The following FGD5 variants were observed in gnomAD, a reference collection of about 807,000 sequenced individuals.
The protein encoded by FGD5 is FYVE, RhoGEF and PH domain-containing protein 5.
Under a neutral mutation model 133.4 loss-of-function variants are expected in FGD5, and 28 were observed. The ratio of observed to expected loss-of-function variants is 0.21; its 90% confidence interval spans 0.16 to 0.29. The LOEUF (loss-of-function observed/expected upper bound fraction) is 0.29. Among genes scored for constraint, FGD5 ranks in the 10% least tolerant of loss-of-function variants. FGD5 has a pLI of 1.00. For missense variants in FGD5, 1,858 were observed against 1,895.2 expected (o/e 0.98, Z 0.36); for synonymous variants, 810 against 776.5 (o/e 1.04, Z -0.72).
rs918420726 is a variant in FGD5, at chr3:14,922,979, G to A, written c.3808-67G>A. 5 of 1,605,806 alleles carry A rather than the reference G, an allele frequency of 3.1e-6. No individual in the cohort carries two copies. The Admixed American group carries it at 6.7e-5, about 21-fold the overall frequency. On this transcript the variant is annotated intron_variant, in intron 15 of 19. Transcript: ENST00000285046. The surrounding 1 kb of genome is among the most constrained non-coding windows in gnomAD (Gnocchi z 4.1). ...TGGGTGGATTAGCAGAGGGAGCGGAGGGGAGGGGTGCAGGTCTCCTTTGCA... is the reference window on the plus strand; with the variant it reads ...TGGGTGGATTAGCAGAGGGAGCGGAAGGGAGGGGTGCAGGTCTCCTTTGCA...
intron 8 of FGD5, 147 bp from the exon 9 acceptor site, chr3:14,900,856 G>T (rs1027350177): frequency 1.6e-5 from 13 of 813,798 alleles, no homozygotes; most frequent in African/African-American, 1.0e-4. Flanking sequence ...GGAAACTGAG[G>T]CATGCATGAC....
At chr3:14,858,811 G>A (rs1045782967) in intron 1 of FGD5, among the ~76,000 whole-genome samples, 2 of 152,222 alleles carry the variant, frequency 1.3e-5, no homozygotes, top group African/African-American at 4.8e-5. Flanking sequence ...CCAGGACACA[G>A]TTCTGCCAGG....
chr3:14,918,047 T>TG (rs1216570130), intron 12 of FGD5, among the ~76,000 whole-genome samples: 2 of 152,270 alleles, frequency 1.3e-5, no homozygotes, highest in African/African-American at 4.8e-5. Flanking sequence ...CCTCTGCCGA[T>TG]GGACACTGGT....
chr3:14,859,204 A>G (rs1390125447), intron 1 of FGD5, among the ~76,000 whole-genome samples: 1 of 152,220 alleles, frequency 6.6e-6, no homozygotes, highest in African/African-American at 2.4e-5. Context: ...TGGCATAATT[A>G]AATCAAGGTC....
chr3:14,823,867 A>C (rs1268368768), intron 1 of FGD5, among the ~76,000 whole-genome samples: 2 of 152,244 alleles, frequency 1.3e-5, no homozygotes, highest in Non-Finnish European at 1.5e-5. Context: ...AAAACCAAAC[A>C]AAAAGGACTT....
intron 9 of FGD5, 100 bp downstream of exon 9, chr3:14,901,161 G>A: frequency 7.7e-7 from 1 of 1,302,266 alleles, no homozygotes; most frequent in Non-Finnish European, 1.1e-6. Context: ...AGGGGCTGCA[G>A]GCAACCGTCT....
At chr3:14,866,352 G>A (rs1237147101) in intron 2 of FGD5, among the ~76,000 whole-genome samples, 1 of 152,184 alleles carries the variant, frequency 6.6e-6, no homozygotes, top group African/African-American at 2.4e-5. Context: ...AGTATGGAAA[G>A]AGAGGGCCTG....
At chr3:14,821,897 C>G (rs1050608278) in intron 1 of FGD5, among the ~76,000 whole-genome samples, 2 of 152,078 alleles carry the variant, frequency 1.3e-5, no homozygotes, top group African/African-American at 4.8e-5. Flanking sequence ...GTCAAGAGAT[C>G]GAGACCATCC....
chr3:14,865,867 C>G (rs2037484743), intron 2 of FGD5, among the ~76,000 whole-genome samples: 1 of 152,176 alleles, frequency 6.6e-6, no homozygotes, highest in Non-Finnish European at 1.5e-5. Flanking sequence ...AGTATTGTCT[C>G]CTTGTGGAGA....
chr3:14,822,729 G>A (rs1314552237), intron 1 of FGD5, among the ~76,000 whole-genome samples: 4 of 152,150 alleles, frequency 2.6e-5, no homozygotes, highest in East Asian at 1.9e-4. Context: ...CTGAATTAAC[G>A]AGAAACAAAA....
chr3:14,900,140 T>C (rs917711829), intron 7 of FGD5, among the ~76,000 whole-genome samples: 1 of 152,208 alleles, frequency 6.6e-6, no homozygotes, highest in African/African-American at 2.4e-5. Flanking sequence ...GTTGTGTCTG[T>C]CTCCAAGGCA....
In FGD5 at chr3:14,934,440, C is replaced by T. The variant is rs2038948432; in HGVS notation, c.*1273C>T. 1 of 152,210 alleles carries T rather than the reference C, an allele frequency of 6.6e-6. No homozygotes were observed. Among genetic ancestry groups the T allele is most frequent in the African/African-American group, 2.4e-5 (1 of 41,456 alleles). The allele number at this position is 152,210 out of a possible 1,614,324, so 9.4% of individuals were successfully genotyped here. ...TGTCCCCTACAAAAAAGGGAATTTG[C>T]TGACAAACTTTTTGTAAAAAGCACC... On this transcript the variant is annotated 3_prime_UTR_variant, in exon 20 of 20. Transcript: ENST00000285046.
At chr3:14,880,193 A>C (rs1402841822) in intron 2 of FGD5, among the ~76,000 whole-genome samples, 1 of 152,080 alleles carries the variant, frequency 6.6e-6, no homozygotes, top group Non-Finnish European at 1.5e-5. Context: ...TCTCTACAAA[A>C]AATTTTAAAA....
At position 14,819,640 on chromosome 3, in the gene FGD5, T is replaced by C; in HGVS notation, c.569T>C (p.Phe190Ser). The change falls in exon 1 of 20, where the codon TTC becomes TCC. Residue 190 changes from phenylalanine to serine, a missense_variant. Phe to Ser is a radical substitution (Grantham distance 155, BLOSUM62 -2). This residue lies in a region of FGD5 where 1,824 missense variants were observed against 1,848.9 expected (regional missense o/e 0.99). Coordinates refer to ENST00000285046, the MANE Select transcript of FGD5 (RefSeq NM_152536.4). The surrounding 1 kb of genome is among the most constrained non-coding windows in gnomAD (Gnocchi z 4.1). The part of the protein sequence containing the change: ...DSGPWAGEGV[F>S]QSDLLLPHIH... ...GGGCCTTGGGCTGGAGAGGGGGTCT[T>C]CCAGAGCGACCTCCTCCTGCCTCAC... 6.5e-7 allele frequency: 1 copy of C among 1,550,112 alleles called. No individual in the cohort carries two copies. Among genetic ancestry groups the C allele is most frequent in the Non-Finnish European group, 8.7e-7 (1 of 1,146,400 alleles).
At chr3:14,932,449 GT>G in intron 18 of FGD5, 127 bp from the exon 19 acceptor site, 1 of 1,068,798 alleles carries the variant, frequency 9.4e-7, no homozygotes, top group Non-Finnish European at 1.3e-6. Flanking sequence ...TTTGTGTGTG[GT>G]GAGCCCGAAG....
intron 4 of FGD5, among the ~76,000 whole-genome samples, chr3:14,883,196 A>G (rs1168560847): frequency 6.6e-6 from 1 of 152,166 alleles, no homozygotes. Context: ...TGGGCTCCAT[A>G]GGAATGGAGT....
At chr3:14,825,547 G>A (rs1285736084) in intron 1 of FGD5, among the ~76,000 whole-genome samples, 1 of 152,130 alleles carries the variant, frequency 6.6e-6, no homozygotes, top group Admixed American at 6.5e-5. Flanking sequence ...CTGCTCAGGA[G>A]GTTGAGGCGG....
chr3:14,819,920 G>A lies in FGD5; in HGVS notation c.849G>A (p.Thr283=), dbSNP rs774201861. ...TTGAGGAGGGATGTGAAGAGGCCAC[G>A]GGTGTCACAGGTGGGGAACAGGTTG... ...EVLEEGCEEA[T]GVTGGEQVDL... is the part of the protein sequence containing the mutation. The change falls in exon 1 of 20, where the codon ACG becomes ACA. Residue 283 remains threonine (T), a synonymous_variant. Transcript: ENST00000285046. The surrounding 1 kb of genome is among the most constrained non-coding windows in gnomAD (Gnocchi z 4.1). The A allele has an allele frequency of 2.4e-5, 39 of 1,613,878 alleles. No individual in the cohort carries two copies. The highest frequency in any genetic ancestry group is 2.9e-5 in the Non-Finnish European group (34 of 1,179,874).
At chr3:14,932,862 C>T in intron 19 of FGD5, 131 bp downstream of exon 19, 2 of 1,076,920 alleles carry the variant, frequency 1.9e-6, no homozygotes, top group Non-Finnish European at 2.7e-6. Context: ...CATAGCAGAA[C>T]TGCAGAACTA....
Sources: allele counts gnomAD v4.1 joint callset (sites outside exome capture counted in the v4.1 genomes callset), GRCh38; gene constraint gnomAD v4.1.1; regional missense constraint gnomAD v4.1.1; non-coding constraint Gnocchi (gnomAD v3.1); transcripts MANE v1.5; gene names NCBI Gene and HGNC (gene_info 2026-07-23, HGNC 2026-07-21).